The following LHFPL6 variants were observed in gnomAD, a reference collection of about 807,000 sequenced individuals.
LHFPL6 encodes LHFPL tetraspan subfamily member 6.
A neutral mutation model predicts 20.6 loss-of-function variants in LHFPL6; 9 were observed. The observed-to-expected ratio is 0.44, with a 90% CI of 0.26 to 0.76. The LOEUF (loss-of-function observed/expected upper bound fraction) is 0.76. LHFPL6 is among the 30% of genes least tolerant of loss of function. LHFPL6 has a pLI of 0.20. For synonymous variants in LHFPL6, 105 were observed against 98.7 expected, an observed-to-expected ratio of 1.06 and a Z score of -0.38; for missense variants, 218 against 253.5, an observed-to-expected ratio of 0.86 and a Z score of 0.95.
chr13:39,559,206 G>A (rs1419404424), intron 2 of LHFPL6, among the ~76,000 whole-genome samples: 3 of 152,218 alleles, frequency 2.0e-5, no homozygotes, highest in Non-Finnish European at 4.4e-5. Flanking sequence ...TCCAGGGACA[G>A]GTAGAGATGT....
At chr13:39,383,871 A>C (rs776598969) in intron 2 of LHFPL6, among the ~76,000 whole-genome samples, 1 of 152,182 alleles carries the variant, frequency 6.6e-6, no homozygotes, top group Non-Finnish European at 1.5e-5. Context: ...TTTGGGAGTG[A>C]TTTCCAGGTG....
chr13:39,343,934 T>C lies in LHFPL6; in HGVS notation c.*2A>G. 1 of 1,612,578 alleles carries C rather than the reference T, an allele frequency of 6.2e-7. No individual in the cohort carries two copies. Among genetic ancestry groups the C allele is most frequent in the Middle Eastern group, 1.7e-4 (1 of 6,060 alleles). ...CCTCTGTCTGCTCTTGGTAGCTCCA[T>C]CTCAGTATGGGTAGTGCTTCTGTTT... is the stretch of plus-strand genomic sequence containing the variant. On this transcript the variant is annotated 3_prime_UTR_variant, in exon 4 of 4. Transcript: ENST00000379589.
At chr13:39,527,174 CT>C (rs1322468257) in intron 2 of LHFPL6, among the ~76,000 whole-genome samples, 3 of 152,106 alleles carry the variant, frequency 2.0e-5, no homozygotes, top group Non-Finnish European at 4.4e-5. Flanking sequence ...TTATGTTTTC[CT>C]TTGTCCAGTC....
At chr13:39,424,836 A>C (rs191742916) in intron 2 of LHFPL6, among the ~76,000 whole-genome samples, 1 of 152,344 alleles carries the variant, frequency 6.6e-6, no homozygotes, top group Admixed American at 6.5e-5. Flanking sequence ...AATAGGGCAA[A>C]GAATCGTAGC....
chr13:39,532,824 T>C (rs972309672), intron 2 of LHFPL6, among the ~76,000 whole-genome samples: 3 of 152,216 alleles, frequency 2.0e-5, no homozygotes, highest in African/African-American at 4.8e-5. Context: ...TTGGACCACA[T>C]TGCATGCTGT....
intron 1 of LHFPL6, among the ~76,000 whole-genome samples, chr13:39,602,619 C>T (rs1436607986): frequency 6.6e-6 from 1 of 152,194 alleles, no homozygotes; most frequent in Non-Finnish European, 1.5e-5. Flanking sequence ...CATGGAGACA[C>T]ACAATGATCC....
chr13:39,359,398 T>G (rs1287520725), intron 3 of LHFPL6, among the ~76,000 whole-genome samples: 1 of 152,060 alleles, frequency 6.6e-6, no homozygotes, highest in Non-Finnish European at 1.5e-5. Flanking sequence ...GCAGCACTAT[T>G]CACAATAGCA....
At chr13:39,485,877 T>C (rs374266917) in intron 2 of LHFPL6, among the ~76,000 whole-genome samples, 34 of 152,314 alleles carry the variant, frequency 2.2e-4, no homozygotes, top group Middle Eastern at 6.8e-3. Context: ...GTAATAACAA[T>C]AGTAATGGGT....
intron 2 of LHFPL6, among the ~76,000 whole-genome samples, chr13:39,509,702 G>A (rs2138472850): frequency 1.3e-5 from 2 of 152,294 alleles, no homozygotes; most frequent in South Asian, 4.1e-4. Context: ...GCTCACGCCT[G>A]TAATCCCAGC....
chr13:39,511,466 T>TAAAAAAAAAAAAAAA (rs67885553), intron 2 of LHFPL6, among the ~76,000 whole-genome samples: 1 of 140,834 alleles, frequency 7.1e-6, no homozygotes. Flanking sequence ...TTTAAATTCT[T>TAAAAAAAAAAAAAAA]AAAAAAAAAA....
chr13:39,528,613 A>G (rs1391919625), intron 2 of LHFPL6, among the ~76,000 whole-genome samples: 1 of 152,186 alleles, frequency 6.6e-6, no homozygotes, highest in East Asian at 1.9e-4. Context: ...ATCTCGCTCT[A>G]TGATACTAAA....
intron 2 of LHFPL6, among the ~76,000 whole-genome samples, chr13:39,498,282 AC>A (rs1188958993): frequency 6.6e-6 from 1 of 152,108 alleles, no homozygotes; most frequent in African/African-American, 2.4e-5. Flanking sequence ...TCAACTGAAA[AC>A]CTTTTTTGTT....
At chr13:39,369,120 A>G (rs1458005241) in intron 3 of LHFPL6, among the ~76,000 whole-genome samples, 5 of 152,004 alleles carry the variant, frequency 3.3e-5, no homozygotes, top group African/African-American at 7.2e-5. Flanking sequence ...AAAAAAAAAA[A>G]AAGAAGAATC....
intron 2 of LHFPL6, among the ~76,000 whole-genome samples, chr13:39,537,812 A>ATATAC (rs1217690174): frequency 6.6e-6 from 1 of 152,056 alleles, no homozygotes; most frequent in Non-Finnish European, 1.5e-5. Flanking sequence ...TGGAGTAAGA[A>ATATAC]TATACTTCAG....
chr13:39,381,648 G>A (rs1009967141), intron 2 of LHFPL6, among the ~76,000 whole-genome samples: 3 of 151,988 alleles, frequency 2.0e-5, no homozygotes, highest in African/African-American at 7.3e-5. Flanking sequence ...CAGACTTCTG[G>A]ACAGGCAATT....
intron 2 of LHFPL6, among the ~76,000 whole-genome samples, chr13:39,562,764 C>T (rs1871582143): frequency 6.6e-6 from 1 of 150,836 alleles, no homozygotes; most frequent in African/African-American, 2.4e-5. Context: ...CGGCACTTTA[C>T]CCAACCAATA....
At chr13:39,439,387 G>C (rs561887693) in intron 2 of LHFPL6, among the ~76,000 whole-genome samples, 1 of 152,082 alleles carries the variant, frequency 6.6e-6, no homozygotes, top group Non-Finnish European at 1.5e-5. Flanking sequence ...TGATTTTACA[G>C]GCTAATAGTT....
chr13:39,374,546 TA>T (rs71732995), intron 3 of LHFPL6, among the ~76,000 whole-genome samples: 26,858 of 145,298 alleles, frequency 0.18, 2,599 homozygotes, highest in Non-Finnish European at 0.24. Flanking sequence ...GTTGAAATTA[TA>T]AAAAAAAAAA....
In LHFPL6 at chr13:39,436,052, T is replaced by C. The variant is rs538958286; in HGVS notation, c.386-57526A>G. Among the ~76,000 whole-genome samples, 29 of 151,834 alleles carry C rather than the reference T, an allele frequency of 1.9e-4. No homozygotes were observed. In the South Asian group the frequency reaches 6.0e-3, roughly 31 times the overall value. On this transcript the variant is annotated intron_variant, in intron 2 of 3. Transcript: ENST00000379589. ...TAATAAATATATAAATATGTTAAGC[T>C]TTTCTCAGTTTTAATTTTTACTAAG...
Sources: gnomAD v4.1 joint callset for allele counts (sites outside exome capture counted in the v4.1 genomes callset) on GRCh38, gnomAD v4.1.1 for gene constraint, MANE v1.5 for transcripts, NCBI Gene and HGNC (gene_info 2026-07-23, HGNC 2026-07-21) for gene names.